Variants in ASTN2 observed in about 807,000 individuals in gnomAD.
ASTN2 encodes astrotactin-2.
ASTN2 carries 54 observed loss-of-function variants against 139.8 expected under a neutral mutation model. That is an observed-to-expected ratio of 0.39 (90% CI 0.31 to 0.48). The LOEUF (loss-of-function observed/expected upper bound fraction) is 0.48, where lower values mean the gene tolerates loss of function less well. Ranked by LOEUF, ASTN2 falls within the 20% of genes least tolerant of loss-of-function variation. The probability of loss-of-function intolerance (pLI) is 0.95; values close to 1 mark genes in which losing one functional copy is unlikely to be tolerated. For missense variants in ASTN2, 1,565 were observed against 1,725.1 expected (o/e 0.91, Z 1.64); for synonymous variants, 756 against 719.5 (o/e 1.05, Z -0.81).
In ASTN2 at chr9:117,414,833, G is replaced by A. The variant is rs1340904550; in HGVS notation, c.106C>T (p.Leu36=). The A allele has an allele frequency of 8.6e-7, 1 of 1,162,384 alleles. No individual in the cohort carries two copies. The highest frequency in any genetic ancestry group is 1.1e-6 in the Non-Finnish European group (1 of 939,204). The allele number at this position is 1,162,384 out of a possible 1,614,324, so 72.0% of individuals were successfully genotyped here. ...GGCGGCAGCAGGAGCAGGAACAGCA[G>A]CAGCAGCGGCAGCAGTGGCGGCGGC... ...PGPPPLLPLL[L]LFLLLLPPPP... is the part of the protein sequence containing the mutation. The change falls in exon 1 of 23, where the codon CTG becomes TTG. Residue 36 remains leucine, a synonymous_variant. Transcript: ENST00000313400. The surrounding 1 kb of genome is among the most constrained non-coding windows in gnomAD (Gnocchi z 4.2).
intron 4 of ASTN2, 135 bp downstream of exon 4, chr9:117,141,191 G>A: frequency 1.0e-6 from 1 of 961,514 alleles, no homozygotes; most frequent in Non-Finnish European, 1.4e-6. Flanking sequence ...CCTCCAAGGG[G>A]ATTTATCAGG....
chr9:116,494,833 C>T (rs1399453217), intron 19 of ASTN2, among the ~76,000 whole-genome samples: 2 of 152,156 alleles, frequency 1.3e-5, no homozygotes, highest in African/African-American at 4.8e-5. Flanking sequence ...AAAGTCTGTG[C>T]CTTTCCTACT....
chr9:116,534,347 G>C (rs1851511442), intron 19 of ASTN2, among the ~76,000 whole-genome samples: 1 of 152,118 alleles, frequency 6.6e-6, no homozygotes, highest in East Asian at 1.9e-4. Context: ...ATGGTTTTTT[G>C]TGTCTCTATT....
chr9:116,990,170 T>C (rs1836811483), intron 7 of ASTN2, among the ~76,000 whole-genome samples: 1 of 152,138 alleles, frequency 6.6e-6, no homozygotes, highest in Non-Finnish European at 1.5e-5. Context: ...AATATGAAGA[T>C]GAAATAAGAC....
intron 3 of ASTN2, among the ~76,000 whole-genome samples, chr9:117,207,525 T>C (rs897785656): frequency 6.6e-6 from 1 of 152,070 alleles, no homozygotes. Context: ...TCCTGGCAGA[T>C]ACACACCTAG....
chr9:116,454,495 C>A (rs145238014), intron 20 of ASTN2, among the ~76,000 whole-genome samples: 2,449 of 152,226 alleles, frequency 0.016, 73 homozygotes, highest in African/African-American at 0.055. Flanking sequence ...TGTGGTGATT[C>A]CTCAAGGATC....
chr9:117,083,967 C>T (rs904762432), intron 5 of ASTN2, among the ~76,000 whole-genome samples: 5 of 151,042 alleles, frequency 3.3e-5, no homozygotes, highest in Non-Finnish European at 2.9e-5. Context: ...ATTCAAGGAA[C>T]CCTCATTTGC....
intron 2 of ASTN2, among the ~76,000 whole-genome samples, chr9:117,267,109 G>C (rs1253987767): frequency 6.6e-6 from 1 of 152,088 alleles, no homozygotes; most frequent in Non-Finnish European, 1.5e-5. Context: ...CATCTTTGTG[G>C]CATTCTTTGT....
chr9:117,325,371 A>G (rs1239510551), intron 1 of ASTN2, among the ~76,000 whole-genome samples: 2 of 152,004 alleles, frequency 1.3e-5, no homozygotes, highest in African/African-American at 4.8e-5. Context: ...TGTCTTTTTC[A>G]TTGCCATGGG....
intron 19 of ASTN2, chr9:116,578,912 T>G (rs1024014590): frequency 6.6e-6 from 1 of 152,134 alleles, no homozygotes; most frequent in Non-Finnish European, 1.5e-5. Context: ...CAAATATTTT[T>G]GTATTATTAT....
intron 4 of ASTN2, among the ~76,000 whole-genome samples, chr9:117,123,370 A>C (rs1829607424): frequency 6.6e-6 from 1 of 151,968 alleles, no homozygotes; most frequent in Non-Finnish European, 1.5e-5. Context: ...GGTTCAATTA[A>C]TCTGGTTCAA....
At chr9:116,580,107 C>A (rs10983248) in intron 19 of ASTN2, among the ~76,000 whole-genome samples, 28,900 of 152,136 alleles carry the variant, frequency 0.19, 3,398 homozygotes, top group African/African-American at 0.33. Flanking sequence ...GGCGTGAGCC[C>A]CCGCACCCGG....
chr9:117,304,681 C>T (rs1834956805), intron 1 of ASTN2, among the ~76,000 whole-genome samples: 1 of 152,216 alleles, frequency 6.6e-6, no homozygotes, highest in African/African-American at 2.4e-5. Flanking sequence ...GGTGTGTTCA[C>T]AGCAGCCTTG....
rs35855942 is a variant in ASTN2, at chr9:117,106,770, ATATC to A, written c.1169-10623_1169-10620del. On this transcript the variant is annotated intron_variant, in intron 4 of 22. Transcript: ENST00000313400. ...GCATATCCTGTGAATTTTGTAAAAA[ATATC>A]TATCTATCTATCTATCTGTCTATCT... 3.0e-3 allele frequency among the ~76,000 whole-genome samples: 456 copies of A among 152,038 alleles called. 2 individuals are homozygous for A. Among genetic ancestry groups the A allele is most frequent in the Non-Finnish European group, 4.9e-3 (333 of 68,006 alleles).
intron 20 of ASTN2, among the ~76,000 whole-genome samples, chr9:116,485,626 T>C (rs1849313888): frequency 6.6e-6 from 1 of 152,228 alleles, no homozygotes; most frequent in Non-Finnish European, 1.5e-5. Context: ...GGTCATTCTT[T>C]AAGGCCTAAG....
chr9:116,463,302 C>A (rs1341964299), intron 20 of ASTN2, among the ~76,000 whole-genome samples: 1 of 152,102 alleles, frequency 6.6e-6, no homozygotes. Flanking sequence ...AAATGGTTAT[C>A]CAGTGCTGTC....
At chr9:117,176,058 A>G (rs1289589154) in intron 3 of ASTN2, among the ~76,000 whole-genome samples, 1 of 151,976 alleles carries the variant, frequency 6.6e-6, no homozygotes, top group Non-Finnish European at 1.5e-5. Flanking sequence ...AAAAATATGC[A>G]AAAGATATAA....
intron 12 of ASTN2, among the ~76,000 whole-genome samples, chr9:116,814,893 T>C (rs1831268471): frequency 6.6e-6 from 1 of 152,228 alleles, no homozygotes; most frequent in East Asian, 1.9e-4. Context: ...TTTCCATCAA[T>C]TGTCGGTGAG....
intron 1 of ASTN2, among the ~76,000 whole-genome samples, chr9:117,355,758 T>C (rs560265511): frequency 3.9e-4 from 59 of 152,266 alleles, no homozygotes; most frequent in Non-Finnish European, 7.8e-4. Flanking sequence ...AAACACCCTC[T>C]GGCTACCTCT....
Sources: gnomAD v4.1 joint callset for allele counts (sites outside exome capture counted in the v4.1 genomes callset) on GRCh38, gnomAD v4.1.1 for gene constraint, Gnocchi (gnomAD v3.1) non-coding constraint, MANE v1.5 for transcripts, NCBI Gene and HGNC (gene_info 2026-07-23, HGNC 2026-07-21) for gene names.